Variants in EPHB1 observed in about 807,000 individuals in gnomAD.
EPHB1 encodes EPH receptor B1.
EPHB1 carries 30 observed loss-of-function variants against 94.4 expected under a neutral mutation model. The observed-to-expected ratio is 0.32, with a 90% CI of 0.24 to 0.43. The LOEUF is 0.43. Ranked by LOEUF, EPHB1 falls within the 20% of genes least tolerant of loss-of-function variation. The pLI is 1.00. For synonymous variants in EPHB1, 522 were observed against 489.1 expected (o/e 1.07, Z -0.89); for missense variants, 1,055 against 1,308.3 (o/e 0.81, Z 2.99).
At chr3:135,157,640 A>G (rs773779337) in intron 6 of EPHB1, among the ~76,000 whole-genome samples, 1 of 152,224 alleles carries the variant, frequency 6.6e-6, no homozygotes, top group Non-Finnish European at 1.5e-5. Context: ...TTGGGCAAAT[A>G]TTGGTTACCA....
At chr3:134,955,977 G>A (rs1471676006) in intron 3 of EPHB1, among the ~76,000 whole-genome samples, 2 of 151,666 alleles carry the variant, frequency 1.3e-5, no homozygotes, top group African/African-American at 2.4e-5. Flanking sequence ...GTCCCATGCA[G>A]CCTGGCTCTT....
chr3:134,800,204 G>A (rs556761322), intron 1 of EPHB1, among the ~76,000 whole-genome samples: 1 of 152,010 alleles, frequency 6.6e-6, no homozygotes, highest in Non-Finnish European at 1.5e-5. Context: ...TGTTGAGTGG[G>A]TCATGTTGCC....
chr3:134,935,067 C>T (rs1339840061), intron 2 of EPHB1, among the ~76,000 whole-genome samples: 7 of 152,170 alleles, frequency 4.6e-5, no homozygotes, highest in Non-Finnish European at 1.0e-4. Flanking sequence ...AGCCTGAGGA[C>T]TGACTCATTG....
chr3:135,244,833 C>T (rs962236056), intron 13 of EPHB1, among the ~76,000 whole-genome samples: 1 of 152,184 alleles, frequency 6.6e-6, no homozygotes, highest in African/African-American at 2.4e-5. Flanking sequence ...TGGATAAATG[C>T]TACTCATATA....
chr3:134,807,586 T>G (rs937258807), intron 1 of EPHB1, among the ~76,000 whole-genome samples: 2 of 151,796 alleles, frequency 1.3e-5, no homozygotes, highest in Admixed American at 1.3e-4. Context: ...AGTTTGGGAC[T>G]TTGGTTATGA....
At chr3:135,080,212 G>A (rs1330833364) in intron 3 of EPHB1, among the ~76,000 whole-genome samples, 1 of 152,222 alleles carries the variant, frequency 6.6e-6, no homozygotes, top group African/African-American at 2.4e-5. Flanking sequence ...TTCCTGCAAA[G>A]CCTGGTCCAG....
chr3:135,066,632 G>C (rs1283762394), intron 3 of EPHB1, among the ~76,000 whole-genome samples: 1 of 151,742 alleles, frequency 6.6e-6, no homozygotes, highest in Non-Finnish European at 1.5e-5. Flanking sequence ...CCTTGCACTG[G>C]GCCTCGCCTT....
intron 4 of EPHB1, among the ~76,000 whole-genome samples, chr3:135,129,982 G>T (rs1235063285): frequency 6.6e-6 from 1 of 152,210 alleles, no homozygotes; most frequent in African/African-American, 2.4e-5. Context: ...TCCCACGGGG[G>T]CTTGAATGAC....
chr3:135,144,381 C>T (rs543128813), intron 5 of EPHB1, among the ~76,000 whole-genome samples: 14 of 152,308 alleles, frequency 9.2e-5, no homozygotes, highest in Admixed American at 5.9e-4. Context: ...CTGTGAAAGA[C>T]TTGTTAAAAC....
intron 1 of EPHB1, among the ~76,000 whole-genome samples, chr3:134,882,443 T>G (rs2037749484): frequency 1.3e-5 from 2 of 152,152 alleles, no homozygotes. Flanking sequence ...TCTTTTTATC[T>G]TTTCTCTCAG....
intron 1 of EPHB1, among the ~76,000 whole-genome samples, chr3:134,796,618 A>G (rs1341113152): frequency 6.6e-6 from 1 of 152,212 alleles, no homozygotes; most frequent in Non-Finnish European, 1.5e-5. Context: ...ATCCCGGCCC[A>G]GCTCCCCGCC....
chr3:135,133,131 C>G (rs1576414913), intron 5 of EPHB1, 82 bp downstream of exon 5: 1 of 1,340,462 alleles, frequency 7.5e-7, no homozygotes, highest in Non-Finnish European at 1.0e-6. Context: ...TGCAGCCACA[C>G]CCATCCTGCC....
At chr3:135,053,983 T>G (rs1405969074) in intron 3 of EPHB1, among the ~76,000 whole-genome samples, 2 of 150,410 alleles carry the variant, frequency 1.3e-5, no homozygotes, top group Admixed American at 6.7e-5. Flanking sequence ...CAGAATGAGA[T>G]CCTGTCTCTA....
At chr3:135,091,839 C>T (rs193177234) in intron 3 of EPHB1, among the ~76,000 whole-genome samples, 1 of 152,132 alleles carries the variant, frequency 6.6e-6, no homozygotes, top group Non-Finnish European at 1.5e-5. Context: ...ACCTGGCTGA[C>T]CTATGTGTGC....
chr3:135,252,279 T>C (rs1392708934), intron 15 of EPHB1, among the ~76,000 whole-genome samples: 1 of 151,498 alleles, frequency 6.6e-6, no homozygotes, highest in Non-Finnish European at 1.5e-5. Context: ...GTTAGTTACA[T>C]ATGTATACAT....
At chr3:134,988,165 C>T (rs1304727014) in intron 3 of EPHB1, among the ~76,000 whole-genome samples, 1 of 152,188 alleles carries the variant, frequency 6.6e-6, no homozygotes, top group Non-Finnish European at 1.5e-5. Context: ...TCCTTGATCT[C>T]CTGTCTGAGC....
intron 2 of EPHB1, among the ~76,000 whole-genome samples, chr3:134,950,437 C>A (rs1158895276): frequency 6.6e-6 from 1 of 152,178 alleles, no homozygotes; most frequent in Non-Finnish European, 1.5e-5. Flanking sequence ...TCTTGCATTG[C>A]TATAAAGAAA....
intron 5 of EPHB1, among the ~76,000 whole-genome samples, chr3:135,142,083 A>T (rs1174707654): frequency 6.6e-6 from 1 of 152,196 alleles, no homozygotes; most frequent in African/African-American, 2.4e-5. Context: ...TGAGTACTCA[A>T]ATCAGGATAT....
intron 1 of EPHB1, among the ~76,000 whole-genome samples, chr3:134,862,499 C>A (rs1362075565): frequency 6.7e-5 from 9 of 133,952 alleles, no homozygotes; most frequent in African/African-American, 8.2e-5. Flanking sequence ...CTTGTAAGCT[C>A]AAAAAAAAAA....
Sources: gnomAD v4.1 joint callset for allele counts (sites outside exome capture counted in the v4.1 genomes callset) on GRCh38, gnomAD v4.1.1 for gene constraint, MANE v1.5 for transcripts, NCBI Gene and HGNC (gene_info 2026-07-23, HGNC 2026-07-21) for gene names.